Variants in CELF2 observed in about 807,000 individuals in gnomAD.
CELF2 encodes CUG triplet repeat RNA-binding protein 2.
A neutral mutation model predicts 62.6 loss-of-function variants in CELF2; 8 were observed. That is an observed-to-expected ratio of 0.13 (90% CI 0.07 to 0.23). CELF2 has a LOEUF of 0.23. CELF2 is among the 10% of genes least tolerant of loss of function. The pLI, the probability that CELF2 is intolerant of heterozygous loss-of-function variation, is 1.00. For synonymous variants in CELF2, 258 were observed against 250.0 expected, an observed-to-expected ratio of 1.03 and a Z score of -0.30; for missense variants, 333 against 671.0, an observed-to-expected ratio of 0.50 and a Z score of 5.56.
At chr10:11,176,699 T>C (rs1458040582) in intron 2 of CELF2, among the ~76,000 whole-genome samples, 1 of 152,238 alleles carries the variant, frequency 6.6e-6, no homozygotes, top group Admixed American at 6.5e-5. Flanking sequence ...CAGATGCAGA[T>C]GCTTTCAGAT....
At chr10:10,929,428 T>A (rs377216920) in intron 2 of CELF2, among the ~76,000 whole-genome samples, 3 of 152,238 alleles carry the variant, frequency 2.0e-5, no homozygotes, top group Non-Finnish European at 4.4e-5. Context: ...GCTGTTATCT[T>A]AGTTCACTGA....
chr10:10,730,337 C>T, the CELF2 span, among the ~76,000 whole-genome samples: 6 of 152,226 alleles, frequency 3.9e-5, no homozygotes, highest in South Asian at 1.0e-3. Context: ...ATTAACTGGG[C>T]ATGGTGATGC....
rs2094158354 is a variant in CELF2 at position 11,305,804 on chromosome 10, C to T, written c.977-8335C>T. On this transcript the variant is annotated intron_variant, in intron 9 of 12. Transcript: ENST00000633077. This position sits in a 1 kb window ranked among gnomAD's most constrained non-coding sequence, Gnocchi z 4.8. ...TGGGATTACTCAATTTGTAGTTTTC[C>T]AACAGTGAGCTTATCTGGGCAAACA... Among the ~76,000 whole-genome samples the T allele has an allele frequency of 3.3e-5, 5 of 152,176 alleles. No individual in the cohort carries two copies. The highest frequency in any genetic ancestry group is 4.1e-4 in the South Asian group (2 of 4,826).
intron 1 of CELF2, among the ~76,000 whole-genome samples, chr10:10,894,991 A>C (rs558895558): frequency 6.6e-6 from 1 of 152,322 alleles, no homozygotes; most frequent in East Asian, 1.9e-4. Flanking sequence ...TTGAGAATCA[A>C]ATGTGCTAGC....
rs566312372 is a variant in CELF2 at position 11,296,235 on chromosome 10, T to C, written c.976+7683T>C. 6.6e-6 allele frequency among the ~76,000 whole-genome samples: 1 copy of C among 152,304 alleles called. No individual in the cohort carries two copies. The highest frequency in any genetic ancestry group is 1.5e-5 in the Non-Finnish European group (1 of 68,026). On this transcript the variant is annotated intron_variant, in intron 9 of 12. Transcript: ENST00000633077. This position sits in a 1 kb window ranked among gnomAD's most constrained non-coding sequence, Gnocchi z 5.0. Reference sequence around the variant, plus strand: ...CAGACATTGACTCTAATTCTTCACGTATTTGCTTTTTGCTGTTGGTGGCGC... The same window carrying C: ...CAGACATTGACTCTAATTCTTCACGCATTTGCTTTTTGCTGTTGGTGGCGC...
the CELF2 span, among the ~76,000 whole-genome samples, chr10:10,671,505 G>A: frequency 8.5e-5 from 13 of 152,150 alleles, no homozygotes; most frequent in Admixed American, 3.9e-4. Flanking sequence ...GCGGGAAACT[G>A]CCAAAATGTC....
At position 10,828,000 on chromosome 10, in the gene CELF2, TA is replaced by T. The variant is rs66721705; in HGVS notation, c.53+29207del. Among the ~76,000 whole-genome samples, 526 of 60,688 alleles carry T rather than the reference TA, an allele frequency of 8.7e-3. 2 individuals carry two copies. The highest frequency in any genetic ancestry group is 0.033 in the Middle Eastern group (2 of 60). 39.8% of individuals were successfully genotyped at this position (60,688 alleles called of 152,430 possible). ...TCATACCCGTCAGGAAGGCTAGTCTTAAAAAAAAAAAAAAAAAAAAAAAAGC... is the reference window on the plus strand; with the variant it reads ...TCATACCCGTCAGGAAGGCTAGTCTTAAAAAAAAAAAAAAAAAAAAAAAGC... On this transcript the variant is annotated intron_variant, in intron 1 of 13. Transcript: ENST00000636488.
At chr10:10,772,502 C>G in the CELF2 span, among the ~76,000 whole-genome samples, 1 of 152,160 alleles carries the variant, frequency 6.6e-6, no homozygotes, top group Non-Finnish European at 1.5e-5. Context: ...GCTAAGCAAA[C>G]CTTTTCGATA....
the CELF2 span, among the ~76,000 whole-genome samples, chr10:10,696,727 C>T: frequency 6.6e-6 from 1 of 152,138 alleles, no homozygotes; most frequent in Admixed American, 6.5e-5. Context: ...TTAAGCCCAT[C>T]GGAAAAGCGC....
At chr10:10,950,985 G>A (rs769921307) in intron 2 of CELF2, among the ~76,000 whole-genome samples, 1 of 152,178 alleles carries the variant, frequency 6.6e-6, no homozygotes, top group South Asian at 2.1e-4. Flanking sequence ...ATTCTCTCAT[G>A]ATAGGACTGT....
At chr10:10,868,799 G>A (rs781024622) in intron 1 of CELF2, among the ~76,000 whole-genome samples, 15 of 152,240 alleles carry the variant, frequency 9.9e-5, no homozygotes, top group African/African-American at 2.4e-4. Context: ...TTTTTTCTAC[G>A]TATATTATAG....
At chr10:11,241,862 A>G (rs11257029) in intron 3 of CELF2, among the ~76,000 whole-genome samples, 133,674 of 152,122 alleles carry the variant, frequency 0.88, 59,555 homozygotes, top group Non-Finnish European at 0.97. Context: ...AGTTGGTGGC[A>G]AATCTTTTGA....
upstream of CELF2, among the ~76,000 whole-genome samples, chr10:10,797,623 C>G (rs1310408876): frequency 2.0e-5 from 3 of 152,174 alleles, no homozygotes; most frequent in African/African-American, 7.2e-5. Context: ...TTGCAGGCAG[C>G]TGCAGCAGAA....
intron 2 of CELF2, among the ~76,000 whole-genome samples, chr10:10,968,213 G>T (rs10082471): frequency 3.3e-4 from 50 of 152,130 alleles, no homozygotes; most frequent in Non-Finnish European, 4.9e-4. Context: ...AATTGACAGC[G>T]CATCTTTTTT....
rs2076365462 is a variant in CELF2, at chr10:11,191,912, G to T, written c.272-25513G>T. Among the ~76,000 whole-genome samples, 1 of 152,142 alleles carries T rather than the reference G, an allele frequency of 6.6e-6. No homozygotes were observed. The highest frequency in any genetic ancestry group is 2.1e-4 in the South Asian group (1 of 4,826). On this transcript the variant is annotated intron_variant, in intron 2 of 12. Transcript: ENST00000633077. This position sits in a 1 kb window ranked among gnomAD's most constrained non-coding sequence, Gnocchi z 4.1. ...CCCTCCCATGCAGAGGCCCCGCCCT[G>T]TGTCCACTCTACTTCTTAGGAACCT...
intron 2 of CELF2, among the ~76,000 whole-genome samples, chr10:10,926,489 A>G (rs1286083274): frequency 2.0e-5 from 3 of 152,182 alleles, no homozygotes; most frequent in African/African-American, 4.8e-5. Flanking sequence ...TTCTTTGTCA[A>G]TTACTCAGTC....
intron 1 of CELF2, among the ~76,000 whole-genome samples, chr10:11,053,030 G>A (rs2064267718): frequency 6.6e-6 from 1 of 151,714 alleles, no homozygotes; most frequent in Non-Finnish European, 1.5e-5. Flanking sequence ...TAATCTTGTA[G>A]TATTGGTTCA....
the CELF2 span, among the ~76,000 whole-genome samples, chr10:10,748,697 G>A: frequency 2.1e-5 from 3 of 144,154 alleles, no homozygotes; most frequent in Non-Finnish European, 3.0e-5. Context: ...GCAGTGAGCC[G>A]AGGTTGTGCC....
chr10:10,678,769 C>A, the CELF2 span, among the ~76,000 whole-genome samples: 1 of 152,140 alleles, frequency 6.6e-6, no homozygotes, highest in African/African-American at 2.4e-5. Context: ...GATCCCAGTT[C>A]CTGTTCATGG....
Sources: allele counts gnomAD v4.1 joint callset (sites outside exome capture counted in the v4.1 genomes callset), GRCh38; gene constraint gnomAD v4.1.1; non-coding constraint Gnocchi (gnomAD v3.1); transcripts MANE v1.5; gene names NCBI Gene and HGNC (gene_info 2026-07-23, HGNC 2026-07-21).